The following ELMO1 variants were observed in gnomAD, a reference collection of about 807,000 sequenced individuals.
ELMO1 encodes engulfment and cell motility protein 1.
ELMO1 carries 26 observed loss-of-function variants against 98.9 expected under a neutral mutation model. The ratio of observed to expected loss-of-function variants is 0.26; its 90% CI spans 0.19 to 0.36. ELMO1 has a LOEUF of 0.36. Ranked by LOEUF, ELMO1 falls within the 10% of genes least tolerant of loss-of-function variation. ELMO1 has a pLI of 1.00. For synonymous variants in ELMO1, 346 were observed against 346.0 expected, an observed-to-expected ratio of 1.00 and a Z score of 0.00; for missense variants, 627 against 935.2, an observed-to-expected ratio of 0.67 and a Z score of 4.30.
At chr7:37,075,306 C>G (rs1035198515) in intron 15 of ELMO1, among the ~76,000 whole-genome samples, 1 of 151,694 alleles carries the variant, frequency 6.6e-6, no homozygotes, top group Non-Finnish European at 1.5e-5. Flanking sequence ...GCCACCACAC[C>G]CGGCTAATTT....
chr7:37,025,919 A>ATCTATCTATCTG (rs1794547303), intron 15 of ELMO1, among the ~76,000 whole-genome samples: 1 of 149,374 alleles, frequency 6.7e-6, no homozygotes, highest in Non-Finnish European at 1.5e-5. Flanking sequence ...CTATCTATCT[A>ATCTATCTATCTG]TCTATCTATC....
chr7:37,140,200 C>T (rs1584708096), intron 13 of ELMO1, among the ~76,000 whole-genome samples: 1 of 150,982 alleles, frequency 6.6e-6, no homozygotes, highest in East Asian at 1.9e-4. Context: ...ATGATGAAAC[C>T]CCACCTCTAC....
intron 14 of ELMO1, among the ~76,000 whole-genome samples, chr7:37,112,748 A>G (rs895618325): frequency 2.0e-5 from 3 of 152,212 alleles, no homozygotes; most frequent in Non-Finnish European, 2.9e-5. Flanking sequence ...AGTGCAGGGA[A>G]AAAGTTGATA....
intron 5 of ELMO1, among the ~76,000 whole-genome samples, chr7:37,259,778 G>A (rs1164016018): frequency 4.6e-5 from 7 of 152,148 alleles, no homozygotes; most frequent in Non-Finnish European, 8.8e-5. Context: ...ACGCTCACCC[G>A]TTCAGTCAAT....
intron 20 of ELMO1, among the ~76,000 whole-genome samples, chr7:36,868,942 G>C (rs891573630): frequency 6.6e-6 from 1 of 152,166 alleles, no homozygotes; most frequent in African/African-American, 2.4e-5. Flanking sequence ...CGTGCTCTCC[G>C]AGATTGTGGA....
At chr7:37,215,735 GGCTTCCCCTGCCTCCTGACTCAGGA>G (rs1292895091) in intron 11 of ELMO1, among the ~76,000 whole-genome samples, 1 of 152,296 alleles carries the variant, frequency 6.6e-6, no homozygotes, top group South Asian at 2.1e-4. Context: ...GGTCTCCTTG[GGCTTCCCCTGCCTCCTGACTCAGGA>G]GCTTCCCCTG....
At chr7:37,068,944 G>GTGACAA (rs1224138347) in intron 15 of ELMO1, among the ~76,000 whole-genome samples, 2 of 152,216 alleles carry the variant, frequency 1.3e-5, no homozygotes, top group Admixed American at 1.3e-4. Context: ...TTGAATTTAA[G>GTGACAA]TGACAATTCT....
chr7:37,297,558 A>G (rs1380477744), intron 4 of ELMO1, among the ~76,000 whole-genome samples: 1 of 152,138 alleles, frequency 6.6e-6, no homozygotes, highest in Non-Finnish European at 1.5e-5. Context: ...TGAAATAGTT[A>G]AGGAACTACA....
intron 7 of ELMO1, among the ~76,000 whole-genome samples, chr7:37,240,771 C>T (rs896620793): frequency 3.3e-5 from 5 of 152,048 alleles, no homozygotes; most frequent in African/African-American, 7.2e-5. Context: ...TCCAAACATC[C>T]GAGGCTATTC....
chr7:37,103,909 CAGG>C (rs1563003193), intron 14 of ELMO1, among the ~76,000 whole-genome samples: 1 of 144,224 alleles, frequency 6.9e-6, no homozygotes, highest in African/African-American at 2.5e-5. Context: ...GAGGCTGAGG[CAGG>C]AGAATGGCAT....
chr7:37,219,131 G>A (rs1030827312), intron 10 of ELMO1, among the ~76,000 whole-genome samples: 1 of 152,154 alleles, frequency 6.6e-6, no homozygotes, highest in South Asian at 2.1e-4. Flanking sequence ...CATCCCAGAG[G>A]CATGGGAAAG....
chr7:37,239,605 A>C (rs1436303510), intron 7 of ELMO1, among the ~76,000 whole-genome samples: 1 of 152,238 alleles, frequency 6.6e-6, no homozygotes, highest in Non-Finnish European at 1.5e-5. Flanking sequence ...GAGTTTGGGC[A>C]ATGCCTGTGG....
At chr7:36,952,422 G>A (rs1396092005) in intron 16 of ELMO1, among the ~76,000 whole-genome samples, 3 of 152,166 alleles carry the variant, frequency 2.0e-5, no homozygotes, top group Non-Finnish European at 4.4e-5. Context: ...GCGGGGCGGG[G>A]AGACGAGCAC....
chr7:36,855,391 G>T lies in ELMO1; in HGVS notation c.*160C>A. ...GGCGGTGAGCAAGATGCCAGCTAGG[G>T]GCTGAAAGTTGCCAGGGCTAGAGGT... On this transcript the variant is annotated 3_prime_UTR_variant, in exon 22 of 22. Coordinates refer to ENST00000310758, the MANE Select transcript of ELMO1 (RefSeq NM_014800.11). The surrounding 1 kb of genome is among the most constrained non-coding windows in gnomAD (Gnocchi z 4.2). 1.2e-6 allele frequency: 1 copy of T among 845,096 alleles called. No individual in the cohort carries two copies. Among genetic ancestry groups the T allele is most frequent in the South Asian group, 1.7e-5 (1 of 59,842 alleles). The allele number at this position is 845,096 out of a possible 1,614,324, so 52.3% of individuals were successfully genotyped here.
chr7:37,380,544 T>C (rs577574224), intron 1 of ELMO1, among the ~76,000 whole-genome samples: 2 of 152,384 alleles, frequency 1.3e-5, no homozygotes, highest in South Asian at 4.1e-4. Context: ...GTCTCAATGT[T>C]ACTTTCCGAA....
intron 16 of ELMO1, among the ~76,000 whole-genome samples, chr7:36,939,942 C>A (rs771483903): frequency 4.6e-5 from 7 of 152,222 alleles, no homozygotes; most frequent in African/African-American, 1.7e-4. Flanking sequence ...ATAACACACA[C>A]CTTATCCTTA....
intron 16 of ELMO1, among the ~76,000 whole-genome samples, chr7:36,915,406 A>C (rs1279143036): frequency 2.0e-5 from 3 of 152,276 alleles, no homozygotes; most frequent in African/African-American, 7.2e-5. Flanking sequence ...CTAAGATAGG[A>C]GGGGGAAAGA....
intron 13 of ELMO1, among the ~76,000 whole-genome samples, chr7:37,199,207 A>C (rs1025689755): frequency 7.9e-5 from 12 of 152,200 alleles, no homozygotes; most frequent in African/African-American, 1.9e-4. Context: ...TTGTGTCTGG[A>C]GTTAAAGTTA....
At chr7:37,083,359 A>T (rs1284118334) in intron 15 of ELMO1, among the ~76,000 whole-genome samples, 1 of 152,206 alleles carries the variant, frequency 6.6e-6, no homozygotes, top group Non-Finnish European at 1.5e-5. Flanking sequence ...AAGCTCCCCA[A>T]AGTGAATCTG....
Sources: allele counts gnomAD v4.1 joint callset (sites outside exome capture counted in the v4.1 genomes callset), GRCh38; gene constraint gnomAD v4.1.1; non-coding constraint Gnocchi (gnomAD v3.1); transcripts MANE v1.5; gene names NCBI Gene and HGNC (gene_info 2026-07-23, HGNC 2026-07-21).